RPGRIP1: variants seen among roughly 807,000 people sequenced by gnomAD.
RPGRIP1 encodes the protein X-linked retinitis pigmentosa GTPase regulator-interacting protein 1.
RPGRIP1 carries 128 observed loss-of-function variants against 157.9 expected under a neutral mutation model. That is an observed-to-expected ratio of 0.81 (90% CI 0.70 to 0.94). The LOEUF is 0.94. Ranked by LOEUF, RPGRIP1 falls within the 40% of genes least tolerant of loss-of-function variation. RPGRIP1 has a pLI of 0.00. For missense variants in RPGRIP1, 1,486 were observed against 1,545.8 expected (o/e 0.96, Z 0.65); for synonymous variants, 554 against 571.6 (o/e 0.97, Z 0.44).
rs746080324 is a variant in RPGRIP1, at chr14:21,324,789, C to T, written c.1934C>T (p.Ala645Val). 1 of 1,614,080 alleles carries T rather than the reference C, an allele frequency of 6.2e-7. No homozygotes were observed. The highest frequency in any genetic ancestry group is 8.5e-7 in the Non-Finnish European group (1 of 1,179,902). The change falls in exon 15 of 25, where the codon GCT (alanine) becomes GTT (valine). Residue 645 changes from alanine to valine, a missense_variant. By Grantham distance (64) the Ala-to-Val change is moderately conservative. Transcript: ENST00000400017. ...CTGACATCTGCCGCCCTAGCTCAGG[C>T]TGGAGATACCCAACCTACCACTTTC... ...AFLTSAALAQ[A>V]GDTQPTTFCT... is the part of the protein sequence containing the mutation.
At chr14:21,303,568 C>CT in intron 6 of RPGRIP1, 25 bp downstream of exon 6, 1 of 1,537,738 alleles carries the variant, frequency 6.5e-7, no homozygotes, top group Non-Finnish European at 9.0e-7. Flanking sequence ...CTCCATGCCT[C>CT]AAACCAAAAC....
Position 21,330,489 on chromosome 14 carries a change from A to G in RPGRIP1, c.3238+102A>G. The G allele has an allele frequency of 3.7e-6, 3 of 809,700 alleles. No individual in the cohort carries two copies. In the East Asian group the frequency reaches 1.1e-4, roughly 29 times the overall value. 50.2% of individuals were successfully genotyped at this position (809,700 alleles called of 1,614,324 possible). A position where few individuals can be genotyped will look rare whatever the true frequency, so the allele number is the denominator to read the frequency against. On this transcript the variant is annotated intron_variant, in intron 20 of 24. Coordinates refer to ENST00000400017, the MANE Select transcript of RPGRIP1 (RefSeq NM_020366.4). ...CAAGAGCAGCCTGGCCAACATGATG[A>G]AACCCGTCTCTACTAAAAATACAAA...
intron 6 of RPGRIP1, among the ~76,000 whole-genome samples, chr14:21,305,853 T>A (rs1388419675): frequency 6.6e-6 from 1 of 152,056 alleles, no homozygotes; most frequent in Non-Finnish European, 1.5e-5. Flanking sequence ...AGAGCAAGAC[T>A]CTGTCTCAAA....
chr14:21,306,521 A>G (rs1436003279), intron 6 of RPGRIP1, among the ~76,000 whole-genome samples: 1 of 149,698 alleles, frequency 6.7e-6, no homozygotes, highest in Non-Finnish European at 1.5e-5. Flanking sequence ...TGCAGTGGCG[A>G]GATCTCAGCT....
At chr14:21,285,057 T>G (rs1191810984) in intron 1 of RPGRIP1, among the ~76,000 whole-genome samples, 2 of 150,700 alleles carry the variant, frequency 1.3e-5, no homozygotes, top group African/African-American at 5.0e-5. Context: ...GTAAACAAGA[T>G]AAACCATTTT....
At chr14:21,334,036 C>T (rs1027426532) in intron 20 of RPGRIP1, among the ~76,000 whole-genome samples, 1 of 151,398 alleles carries the variant, frequency 6.6e-6, no homozygotes, top group Non-Finnish European at 1.5e-5. Flanking sequence ...AACTCTCCTG[C>T]CTCAGCCTCC....
rs1474632800 is a variant in RPGRIP1 at position 21,343,053 on chromosome 14, C to T, written c.3357C>T (p.Cys1119=). 2 of 1,611,572 alleles carry T rather than the reference C, an allele frequency of 1.2e-6. No homozygotes were observed. The highest frequency in any genetic ancestry group is 2.2e-5 in the South Asian group (2 of 90,664). Residue 1119 remains cysteine, a synonymous_variant, in exon 22 of 25, where the codon TGC becomes TGT. Transcript: ENST00000400017. ...CTTATCAGGATTCAGAGAAGATGTG[C>T]ATTGAAATTGTCTCCCTGGCCTTCT... ...KYPKADSEKM[C]IEIVSLAFYP...
intron 9 of RPGRIP1, 32 bp downstream of exon 9, chr14:21,312,002 C>T: frequency 6.3e-7 from 1 of 1,578,726 alleles, no homozygotes; most frequent in African/African-American, 1.3e-5. Flanking sequence ...ATACCATCTA[C>T]ATTTCAACTT....
chr14:21,324,875 C>A lies in RPGRIP1; in HGVS notation c.2020C>A (p.Pro674Thr). ...TACCCCATTATCTGTGGGGCCACAG[C>A]CCCTCTATGACTTCACCTCCCAGTA... is the stretch of plus-strand genomic sequence containing the variant. ...HCTPLSVGPQ[P>T]LYDFTSQYVM... is the part of the protein sequence containing the mutation. The change falls in exon 15 of 25, where the codon CCC (proline) becomes ACC (threonine). Residue 674 changes from proline to threonine, a missense_variant. Physicochemically the swap from Pro to Thr is conservative, Grantham distance 38. Coordinates refer to ENST00000400017, the MANE Select transcript of RPGRIP1 (RefSeq NM_020366.4). 6.2e-7 allele frequency: 1 copy of A among 1,613,990 alleles called. No individual in the cohort carries two copies. Among genetic ancestry groups the A allele is most frequent in the Non-Finnish European group, 8.5e-7 (1 of 1,179,860 alleles).
At chr14:21,312,551 C>T in intron 10 of RPGRIP1, 45 bp downstream of exon 10, 1 of 1,300,450 alleles carries the variant, frequency 7.7e-7, no homozygotes, top group East Asian at 2.4e-5. Flanking sequence ...CTATGAAAGA[C>T]ATTATAGAAA....
chr14:21,340,650 A>G (rs532602813), intron 21 of RPGRIP1, among the ~76,000 whole-genome samples: 1 of 152,300 alleles, frequency 6.6e-6, no homozygotes, highest in East Asian at 1.9e-4. Flanking sequence ...GCTAGACTCC[A>G]TCTCTAAATA....
chr14:21,306,747 G>C (rs536526061), intron 6 of RPGRIP1, among the ~76,000 whole-genome samples: 6 of 150,784 alleles, frequency 4.0e-5, no homozygotes, highest in African/African-American at 1.5e-4. Context: ...GTGAGCCACC[G>C]TGCCGGGTGT....
At chr14:21,344,560 A>G (rs1263320776) in intron 22 of RPGRIP1, among the ~76,000 whole-genome samples, 2 of 152,232 alleles carry the variant, frequency 1.3e-5, no homozygotes, top group Non-Finnish European at 2.9e-5. Context: ...AAGAAAGGGC[A>G]TATCACAAGT....
At chr14:21,337,114 T>A (rs541227669) in intron 21 of RPGRIP1, among the ~76,000 whole-genome samples, 1 of 152,204 alleles carries the variant, frequency 6.6e-6, no homozygotes, top group South Asian at 2.1e-4. Flanking sequence ...CTCTTCTGCC[T>A]GGGGTCAGCT....
At chr14:21,317,464 G>A in intron 10 of RPGRIP1, 1 of 1,013,844 alleles carries the variant, frequency 9.9e-7, no homozygotes, top group Admixed American at 2.8e-5. Flanking sequence ...TGGGGTGTTT[G>A]CTCAGTCAGA....
intron 21 of RPGRIP1, among the ~76,000 whole-genome samples, chr14:21,342,035 G>A (rs911464103): frequency 1.3e-5 from 2 of 150,814 alleles, no homozygotes; most frequent in African/African-American, 4.9e-5. Context: ...GGGCGACAGA[G>A]GGAGACACTG....
chr14:21,297,873 C>CTTTCTTTT (rs1555365064), intron 3 of RPGRIP1, among the ~76,000 whole-genome samples: 8 of 150,754 alleles, frequency 5.3e-5, no homozygotes, highest in Admixed American at 1.3e-4. Flanking sequence ...TTCTTTCTTT[C>CTTTCTTTT]TTTCTTTTTT....
At chr14:21,326,348 T>C (rs1040208016) in intron 17 of RPGRIP1, among the ~76,000 whole-genome samples, 175 bp downstream of exon 17, 10 of 152,224 alleles carry the variant, frequency 6.6e-5, no homozygotes, top group Non-Finnish European at 1.3e-4. Context: ...TCACTACTTG[T>C]GTGGAAACAC....
At chr14:21,347,244 G>C (rs1237276484) in intron 23 of RPGRIP1, among the ~76,000 whole-genome samples, 1 of 152,160 alleles carries the variant, frequency 6.6e-6, no homozygotes, top group African/African-American at 2.4e-5. Context: ...CAGACTCTTT[G>C]ACTTACTAGC....
Sources: allele counts gnomAD v4.1 joint callset (sites outside exome capture counted in the v4.1 genomes callset), GRCh38; gene constraint gnomAD v4.1.1; transcripts MANE v1.5; gene names NCBI Gene and HGNC (gene_info 2026-07-23, HGNC 2026-07-21).